ST6GALNAC5: variants seen among roughly 807,000 people sequenced by gnomAD.
ST6GALNAC5 encodes alpha-N-acetylgalactosaminide alpha-2,6-sialyltransferase 5.
ST6GALNAC5 carries 27 observed loss-of-function variants against 33.6 expected under a neutral mutation model. The observed-to-expected ratio is 0.80, with a 90% CI of 0.59 to 1.11. ST6GALNAC5 has a LOEUF of 1.11. ST6GALNAC5 is among the 50% of genes least tolerant of loss of function. The pLI is 0.00. For synonymous variants in ST6GALNAC5, 194 were observed against 171.2 expected (o/e 1.13, Z -1.04); for missense variants, 428 against 454.0 (o/e 0.94, Z 0.52).
chr1:77,010,628 A>G (rs1273545560), intron 2 of ST6GALNAC5, among the ~76,000 whole-genome samples: 3 of 152,140 alleles, frequency 2.0e-5, no homozygotes, highest in Non-Finnish European at 4.4e-5. Context: ...TCAGCCTGCG[A>G]CACTGTCCAT....
chr1:76,948,729 C>T (rs763840198), intron 2 of ST6GALNAC5, among the ~76,000 whole-genome samples: 2 of 152,052 alleles, frequency 1.3e-5, no homozygotes, highest in South Asian at 4.2e-4. Flanking sequence ...ACTACTCCCA[C>T]CATAGTGAAT....
chr1:76,900,556 G>C (rs569047952), intron 2 of ST6GALNAC5, among the ~76,000 whole-genome samples: 1 of 152,268 alleles, frequency 6.6e-6, no homozygotes, highest in Non-Finnish European at 1.5e-5. Flanking sequence ...CAAAAAGAGA[G>C]CCAATTATTT....
intron 2 of ST6GALNAC5, among the ~76,000 whole-genome samples, chr1:76,896,927 A>G (rs12131482): frequency 0.44 from 67,309 of 151,936 alleles, 15,118 homozygotes; most frequent in Non-Finnish European, 0.46. Flanking sequence ...TACAGGGTGC[A>G]GTCCTGGCTC....
In ST6GALNAC5 at chr1:76,900,179, C is replaced by A. The variant is rs1318881314; in HGVS notation, c.261+31437C>A. Among the ~76,000 whole-genome samples the A allele has an allele frequency of 2.0e-5, 3 of 152,084 alleles. No homozygotes were observed. In the South Asian group the frequency reaches 6.2e-4, roughly 32 times the overall value. On this transcript the variant is annotated intron_variant, in intron 2 of 4. Coordinates refer to ENST00000477717, the MANE Select transcript of ST6GALNAC5 (RefSeq NM_030965.3). ...GTTCTCTGGTGGGCAGAGTGGAGGT[C>A]ACAAGGTGCTCAGTAGGGGAGATTT...
chr1:77,025,567 G>C (rs969466313), intron 2 of ST6GALNAC5, among the ~76,000 whole-genome samples: 7 of 151,866 alleles, frequency 4.6e-5, no homozygotes, highest in African/African-American at 1.7e-4. Context: ...ATCAGAAAAT[G>C]TCACTAATAA....
chr1:76,994,621 C>T (rs781012866), intron 2 of ST6GALNAC5, among the ~76,000 whole-genome samples: 1 of 152,182 alleles, frequency 6.6e-6, no homozygotes, highest in Non-Finnish European at 1.5e-5. Context: ...TTGTGTGTTA[C>T]CTTTTAGAAA....
At chr1:77,022,824 C>A (rs925403117) in intron 2 of ST6GALNAC5, among the ~76,000 whole-genome samples, 1 of 152,114 alleles carries the variant, frequency 6.6e-6, no homozygotes, top group Admixed American at 6.5e-5. Context: ...ATCTCAGACC[C>A]CTCCTGTCTT....
rs971897897 is a variant in ST6GALNAC5, at chr1:76,868,039, A to C, written c.15+349A>C. ...CTGCCAAAAACTAAGAGGGACGGGGAGGGGGGACCTTTGCAGACTTTCTTC... is the reference window on the plus strand; with the variant it reads ...CTGCCAAAAACTAAGAGGGACGGGGCGGGGGGACCTTTGCAGACTTTCTTC... On this transcript the variant is annotated intron_variant, in intron 1 of 4. Transcript: ENST00000477717. The surrounding 1 kb of genome is among the most constrained non-coding windows in gnomAD (Gnocchi z 4.3). Among the ~76,000 whole-genome samples, 2 of 152,086 alleles carry C rather than the reference A, an allele frequency of 1.3e-5. No homozygotes were observed. Among genetic ancestry groups the C allele is most frequent in the African/African-American group, 4.8e-5 (2 of 41,418 alleles).
chr1:76,993,893 T>C (rs1322255704), intron 2 of ST6GALNAC5, among the ~76,000 whole-genome samples: 2 of 152,142 alleles, frequency 1.3e-5, no homozygotes, highest in African/African-American at 4.8e-5. Context: ...TTTGAACTTC[T>C]ATAGAAACTT....
Position 76,868,657 on chromosome 1 carries a change from C to A in ST6GALNAC5, c.176C>A (p.Ala59Glu), listed in dbSNP as rs1307599116. 1 of 1,592,838 alleles carries A rather than the reference C, an allele frequency of 6.3e-7. No individual in the cohort carries two copies. Among genetic ancestry groups the A allele is most frequent in the Non-Finnish European group, 8.6e-7 (1 of 1,168,844 alleles). Residue 59 changes from alanine (A) to glutamate (E), a missense_variant, in exon 2 of 5, where the codon GCG (alanine) becomes GAG (glutamate). Ala to Glu is a moderately radical substitution (Grantham distance 107). Transcript: ENST00000477717. The surrounding 1 kb of genome is among the most constrained non-coding windows in gnomAD (Gnocchi z 4.3). ...TCGGCCACCGGCAGCTCGCAGCCGGCGGCGGAGAGCAGCACCCAGCAGCGC... is the reference window on the plus strand; with the variant it reads ...TCGGCCACCGGCAGCTCGCAGCCGGAGGCGGAGAGCAGCACCCAGCAGCGC... ...QASATGSSQPAAESSTQQRPG... is the reference protein window; with the variant it reads ...QASATGSSQPEAESSTQQRPG...
intron 4 of ST6GALNAC5, among the ~76,000 whole-genome samples, chr1:77,054,437 G>T (rs1652325408): frequency 6.6e-6 from 1 of 152,202 alleles, no homozygotes; most frequent in Non-Finnish European, 1.5e-5. Context: ...TATTGTATAA[G>T]ATTTCTTTTC....
At chr1:76,969,627 T>G (rs1557741571) in intron 2 of ST6GALNAC5, among the ~76,000 whole-genome samples, 1 of 152,288 alleles carries the variant, frequency 6.6e-6, no homozygotes, top group Non-Finnish European at 1.5e-5. Context: ...CAGCAGAAAC[T>G]TCTGCAGACT....
At chr1:76,895,683 G>A (rs1654115609) in intron 2 of ST6GALNAC5, among the ~76,000 whole-genome samples, 1 of 152,158 alleles carries the variant, frequency 6.6e-6, no homozygotes, top group Admixed American at 6.5e-5. Context: ...AGCTGTGATG[G>A]CTTGGAGAAA....
At chr1:76,996,838 G>A (rs1447234474) in intron 2 of ST6GALNAC5, among the ~76,000 whole-genome samples, 1 of 152,178 alleles carries the variant, frequency 6.6e-6, no homozygotes, top group East Asian at 1.9e-4. Flanking sequence ...CTGCAAAGGT[G>A]TGAGGTGGGA....
At chr1:76,980,142 T>G (rs924870871) in intron 2 of ST6GALNAC5, among the ~76,000 whole-genome samples, 1 of 152,174 alleles carries the variant, frequency 6.6e-6, no homozygotes, top group Admixed American at 6.5e-5. Flanking sequence ...GATTTATTAA[T>G]ATACATGTTT....
chr1:77,066,773 G>A lies in ST6GALNAC5; in HGVS notation c.*3567G>A, dbSNP rs1248137973. 6.6e-6 allele frequency among the ~76,000 whole-genome samples: 1 copy of A among 152,134 alleles called. No individual in the cohort carries two copies. The highest frequency in any genetic ancestry group is 1.5e-5 in the Non-Finnish European group (1 of 68,016). ...CCCAATCATTTCTTCCATTCTCATT[G>A]CTTCTCTCTTAAACCTCATTGTATC... On this transcript the variant is annotated 3_prime_UTR_variant, in exon 5 of 5. Transcript: ENST00000477717.
intron 2 of ST6GALNAC5, among the ~76,000 whole-genome samples, chr1:76,917,258 A>G (rs1396999735): frequency 2.0e-5 from 3 of 152,196 alleles, no homozygotes; most frequent in Admixed American, 2.0e-4. Flanking sequence ...GTTATAAGCA[A>G]TTGACACAAG....
intron 3 of ST6GALNAC5, among the ~76,000 whole-genome samples, chr1:77,045,240 T>A (rs1651969290): frequency 6.6e-6 from 1 of 152,158 alleles, no homozygotes; most frequent in African/African-American, 2.4e-5. Context: ...ACTGAAAGAT[T>A]TTTTTTCTAA....
At chr1:76,993,052 C>A (rs1406542163) in intron 2 of ST6GALNAC5, among the ~76,000 whole-genome samples, 1 of 152,142 alleles carries the variant, frequency 6.6e-6, no homozygotes, top group African/African-American at 2.4e-5. Context: ...TCACTTAGAA[C>A]TTGGATTCTT....
Sources: gnomAD v4.1 joint callset for allele counts (sites outside exome capture counted in the v4.1 genomes callset) on GRCh38, gnomAD v4.1.1 for gene constraint, Gnocchi (gnomAD v3.1) non-coding constraint, MANE v1.5 for transcripts, NCBI Gene and HGNC (gene_info 2026-07-23, HGNC 2026-07-21) for gene names.